GBE1: variants seen among roughly 807,000 people sequenced by gnomAD.
The protein encoded by GBE1 is 1,4-alpha-glucan branching enzyme 1.
A neutral mutation model predicts 88.8 loss-of-function variants in GBE1; 70 were observed. That is an observed-to-expected ratio of 0.79 (90% confidence interval 0.65 to 0.96). The LOEUF is 0.96. Ranked by LOEUF, GBE1 falls within the 40% of genes least tolerant of loss-of-function variation. GBE1 has a pLI of 0.00. For missense variants in GBE1, 872 were observed against 871.0 expected, an observed-to-expected ratio of 1.00 and a Z score of -0.01; for synonymous variants, 284 against 300.1, an observed-to-expected ratio of 0.95 and a Z score of 0.56.
intron 7 of GBE1, among the ~76,000 whole-genome samples, chr3:81,629,794 C>T (rs1312988488): frequency 1.3e-5 from 2 of 152,098 alleles, no homozygotes; most frequent in South Asian, 2.1e-4. Context: ...TATACATGGG[C>T]CATGTTGGTG....
intron 1 of GBE1, among the ~76,000 whole-genome samples, chr3:81,742,580 G>A (rs1706363524): frequency 6.6e-6 from 1 of 152,086 alleles, no homozygotes; most frequent in African/African-American, 2.4e-5. Context: ...AACCTTCTTA[G>A]GAAATCCACA....
intron 12 of GBE1, among the ~76,000 whole-genome samples, chr3:81,577,441 A>G (rs1054707436): frequency 1.3e-5 from 2 of 152,112 alleles, no homozygotes; most frequent in Non-Finnish European, 2.9e-5. Context: ...ATATTTTTCT[A>G]TTTTAAAAAA....
chr3:81,705,464 A>C lies in GBE1; in HGVS notation c.293T>G (p.Val98Gly), dbSNP rs775486403. 22 of 1,590,574 alleles carry C rather than the reference A, an allele frequency of 1.4e-5. No homozygotes were observed. The highest frequency in any genetic ancestry group is 1.8e-5 in the Non-Finnish European group (21 of 1,170,164). Residue 98 changes from valine (V) to glycine (G), a missense_variant, in exon 2 of 16, where the codon GTT (valine) becomes GGT (glycine). Coordinates refer to ENST00000429644, the MANE Select transcript of GBE1 (RefSeq NM_000158.4). ...CKEWAPGAEGVFLTGDFNGWN... is the reference protein window; with the variant it reads ...CKEWAPGAEGGFLTGDFNGWN... ...CTTACTAAAATCTCCAGTAAGAAAA[A>C]CTCCTTCTGCTCCCGGGGCCCATTC...
chr3:81,499,357 C>G (rs1702556262), intron 14 of GBE1, 130 bp from the exon 15 acceptor site: 2 of 689,256 alleles, frequency 2.9e-6, no homozygotes, highest in Non-Finnish European at 2.7e-6. Flanking sequence ...GAACTCATTT[C>G]TTCTTTTATA....
intron 1 of GBE1, among the ~76,000 whole-genome samples, chr3:81,755,914 A>G (rs999097034): frequency 6.6e-6 from 1 of 152,062 alleles, no homozygotes; most frequent in African/African-American, 2.4e-5. Flanking sequence ...GGTGAATTAT[A>G]TATGTACATT....
At chr3:81,684,174 A>G (rs1184592916) in intron 2 of GBE1, among the ~76,000 whole-genome samples, 1 of 152,176 alleles carries the variant, frequency 6.6e-6, no homozygotes, top group Non-Finnish European at 1.5e-5. Flanking sequence ...GAGCTACTAC[A>G]TGACAGGGCC....
rs917248428 is a variant in GBE1, at chr3:81,642,936, C to A, written c.837G>T (p.Met279Ile). Residue 279 changes from methionine (M) to isoleucine (I), a missense_variant, in exon 7 of 16, where the codon ATG becomes ATT. Coordinates refer to ENST00000429644, the MANE Select transcript of GBE1 (RefSeq NM_000158.4). Reference protein sequence around the residue: ...LQELVDTAHSMGIIVLLDVVH... With the variant: ...LQELVDTAHSIGIIVLLDVVH... ...CCACATCTAAGAGGACTATGATACC[C>A]ATGGAATGAGCTGTGTCTACCAGTT... 1.9e-6 allele frequency: 3 copies of A among 1,612,876 alleles called. No individual in the cohort carries two copies. In the African/African-American group the frequency reaches 4.0e-5, roughly 22 times the overall value.
At chr3:81,754,731 C>T (rs1706578596) in intron 1 of GBE1, among the ~76,000 whole-genome samples, 1 of 152,054 alleles carries the variant, frequency 6.6e-6, no homozygotes, top group Admixed American at 6.6e-5. Context: ...GGGGAAAGGA[C>T]AGTCTATTCA....
Position 81,733,220 on chromosome 3 carries a change from G to T in GBE1, c.144-27607C>A, listed in dbSNP as rs1026801895. 4.6e-5 allele frequency among the ~76,000 whole-genome samples: 7 copies of T among 151,810 alleles called. No homozygotes were observed. Among genetic ancestry groups the T allele is most frequent in the African/African-American group, 1.7e-4 (7 of 41,326 alleles). On this transcript the variant is annotated intron_variant, in intron 1 of 15. Coordinates refer to ENST00000429644, the MANE Select transcript of GBE1 (RefSeq NM_000158.4). This position sits in a 1 kb window ranked among gnomAD's most constrained non-coding sequence, Gnocchi z 4.0. ...CCTACTGTGAACTGCACATGCAAGG[G>T]ATCTAAGTTGCGTGTTCCCATGAGA...
At chr3:81,515,884 C>T (rs1418753819) in intron 14 of GBE1, among the ~76,000 whole-genome samples, 1 of 151,600 alleles carries the variant, frequency 6.6e-6, no homozygotes, top group African/African-American at 2.4e-5. Flanking sequence ...AAGGCCCTAG[C>T]TCTCTTCAAT....
At position 81,642,878 on chromosome 3, in the gene GBE1, C is replaced by A. The variant is rs779475367; in HGVS notation, c.895G>T (p.Gly299Ter). 6.2e-6 allele frequency: 10 copies of A among 1,612,326 alleles called. No homozygotes were observed. Among genetic ancestry groups the A allele is most frequent in the Non-Finnish European group, 8.5e-6 (10 of 1,178,672 alleles). The change falls in exon 7 of 16, where the codon GGA becomes TGA. Residue 299 changes from glycine (G) to a stop codon, truncating the protein, a stop_gained. Coordinates refer to ENST00000429644, the MANE Select transcript of GBE1 (RefSeq NM_000158.4). LOFTEE classifies it high-confidence loss of function. The part of the protein sequence containing the change: ...HSHASKNSAD[G>*]LNMFDGTDSC... ...TCTGTCCCATCAAACATATTCAATC[C>A]ATCTGCTGAATTTTTTGAAGCATGG...
At chr3:81,725,517 T>C (rs3107240) in intron 1 of GBE1, among the ~76,000 whole-genome samples, 96,007 of 151,984 alleles carry the variant, frequency 0.63, 31,837 homozygotes, top group East Asian at 0.94. Context: ...TTATAGTTAA[T>C]TAATTTTTTA....
intron 3 of GBE1, among the ~76,000 whole-genome samples, chr3:81,661,810 T>C (rs190326063): frequency 1.3e-5 from 2 of 152,128 alleles, no homozygotes; most frequent in East Asian, 1.9e-4. Flanking sequence ...TTTTAAAAAA[T>C]AATAATAATA....
intron 14 of GBE1, among the ~76,000 whole-genome samples, chr3:81,517,886 T>A (rs1433362480): frequency 1.3e-5 from 2 of 151,326 alleles, no homozygotes; most frequent in Non-Finnish European, 3.0e-5. Context: ...TCAGTCAGTC[T>A]ATCAGTTCAT....
chr3:81,730,738 A>G (rs1330838291), intron 1 of GBE1, among the ~76,000 whole-genome samples: 1 of 152,230 alleles, frequency 6.6e-6, no homozygotes, highest in Non-Finnish European at 1.5e-5. Flanking sequence ...GAGATCCTGT[A>G]GGAATGAAAC....
intron 14 of GBE1, among the ~76,000 whole-genome samples, chr3:81,508,835 C>T (rs1291995634): frequency 6.6e-6 from 1 of 152,104 alleles, no homozygotes; most frequent in Admixed American, 6.6e-5. Flanking sequence ...CAACTGCATT[C>T]TAATTCCAGT....
chr3:81,740,224 C>A (rs775547541), intron 1 of GBE1, among the ~76,000 whole-genome samples: 10 of 152,098 alleles, frequency 6.6e-5, no homozygotes, highest in Non-Finnish European at 1.2e-4. Flanking sequence ...AACCCTTTCT[C>A]AAATAATAAT....
chr3:81,654,144 TAGG>T (rs1304131702), intron 3 of GBE1, among the ~76,000 whole-genome samples: 1 of 152,164 alleles, frequency 6.6e-6, no homozygotes, highest in Non-Finnish European at 1.5e-5. Flanking sequence ...ATTTGACTTA[TAGG>T]AGGTTATCAT....
intron 2 of GBE1, among the ~76,000 whole-genome samples, chr3:81,685,112 C>T (rs770585734): frequency 6.6e-6 from 1 of 152,144 alleles, no homozygotes; most frequent in Admixed American, 6.5e-5. Context: ...AAAAATCATG[C>T]ATTGTACCAA....
Sources: gnomAD v4.1 joint callset for allele counts (sites outside exome capture counted in the v4.1 genomes callset) on GRCh38, gnomAD v4.1.1 for gene constraint, Gnocchi (gnomAD v3.1) non-coding constraint, MANE v1.5 for transcripts, NCBI Gene and HGNC (gene_info 2026-07-23, HGNC 2026-07-21) for gene names.